Variants in SHANK2 observed in about 807,000 individuals in gnomAD.
SHANK2 encodes SH3 and multiple ankyrin repeat domains protein 2.
A neutral mutation model predicts 133.7 loss-of-function variants in SHANK2; 43 were observed. The observed-to-expected ratio is 0.32, with a 90% CI of 0.25 to 0.41. SHANK2 has a LOEUF of 0.41. Among genes scored for constraint, SHANK2 ranks in the 10% least tolerant of loss-of-function variants. The pLI, the probability that SHANK2 is intolerant of heterozygous loss-of-function variation, is 1.00. For missense variants in SHANK2, 1,994 were observed against 2,235.8 expected, an observed-to-expected ratio of 0.89 and a Z score of 2.18; for synonymous variants, 1,017 against 952.8, an observed-to-expected ratio of 1.07 and a Z score of -1.24.
At position 70,818,907 on chromosome 11, in the gene SHANK2, G is replaced by A. The variant is rs182649274; in HGVS notation, c.1493+1457C>T. Among the ~76,000 whole-genome samples, 1,044 of 152,370 alleles carry A rather than the reference G, an allele frequency of 6.9e-3. 5 individuals carry two copies. The highest frequency in any genetic ancestry group is 0.011 in the Non-Finnish European group (774 of 68,044). ...GGTGATCAGCCCCTCCTGGGACCAC[G>A]TGAGGCACTGACCCTCCTCAAACTC... On this transcript the variant is annotated intron_variant, in intron 12 of 25. Transcript: ENST00000601538.
chr11:70,560,028 C>G, intron 17 of SHANK2, among the ~76,000 whole-genome samples: 1 of 152,096 alleles, frequency 6.6e-6, no homozygotes, highest in Non-Finnish European at 1.5e-5. Context: ...CACACCACCA[C>G]GCCAAGCTAA....
At chr11:70,663,399 G>A (rs1335986303) in intron 15 of SHANK2, among the ~76,000 whole-genome samples, 1 of 152,138 alleles carries the variant, frequency 6.6e-6, no homozygotes, top group Admixed American at 6.5e-5. Context: ...GGGACGAGCA[G>A]CGGCCCCTCG....
chr11:70,899,658 C>T (rs1218724928), intron 10 of SHANK2, among the ~76,000 whole-genome samples: 2 of 152,220 alleles, frequency 1.3e-5, no homozygotes, highest in Non-Finnish European at 2.9e-5. Context: ...GCTTTGGGAA[C>T]TCGACTTAGG....
chr11:70,593,141 C>T (rs576273062), intron 17 of SHANK2, among the ~76,000 whole-genome samples: 26 of 152,310 alleles, frequency 1.7e-4, no homozygotes, highest in Non-Finnish European at 1.9e-4. Context: ...AACATGAACG[C>T]ACACTGTCCC....
intron 16 of SHANK2, among the ~76,000 whole-genome samples, chr11:70,660,607 G>A (rs1263287572): frequency 6.6e-6 from 1 of 152,228 alleles, no homozygotes; most frequent in Non-Finnish European, 1.5e-5. Flanking sequence ...TGCAACTCCA[G>A]GGCAGGAGAT....
chr11:71,232,170 G>A (rs1303583892), intron 1 of SHANK2, among the ~76,000 whole-genome samples: 1 of 152,120 alleles, frequency 6.6e-6, no homozygotes, highest in East Asian at 1.9e-4. Context: ...TTACTGAAAC[G>A]ACAAAATTAC....
At chr11:70,721,861 C>T (rs1026377116) in intron 14 of SHANK2, among the ~76,000 whole-genome samples, 2 of 152,274 alleles carry the variant, frequency 1.3e-5, no homozygotes, top group Admixed American at 6.5e-5. Context: ...TACAATTCTT[C>T]AGGAATGCCA....
intron 17 of SHANK2, among the ~76,000 whole-genome samples, chr11:70,504,348 G>T (rs2059105372): frequency 6.6e-6 from 1 of 150,460 alleles, no homozygotes; most frequent in Admixed American, 6.6e-5. Context: ...GACAGGCCCA[G>T]TGCCTGGCTC....
intron 2 of SHANK2, among the ~76,000 whole-genome samples, chr11:71,184,756 C>T (rs1197399502): frequency 1.3e-5 from 2 of 152,210 alleles, no homozygotes; most frequent in Non-Finnish European, 2.9e-5. Context: ...TGGCAAGTCA[C>T]GGCGGCTGAT....
chr11:71,244,723 G>A (rs558147374), intron 1 of SHANK2, among the ~76,000 whole-genome samples: 2 of 152,032 alleles, frequency 1.3e-5, no homozygotes, highest in Non-Finnish European at 2.9e-5. Flanking sequence ...TTGTTGTTGA[G>A]ATGGACTGTC....
At chr11:70,611,915 G>A (rs533870560) in intron 17 of SHANK2, among the ~76,000 whole-genome samples, 1 of 148,394 alleles carries the variant, frequency 6.7e-6, no homozygotes, top group African/African-American at 2.5e-5. Flanking sequence ...GCTGCTGAAA[G>A]GGAACGAGAA....
At chr11:70,806,826 C>T (rs1948172302) in intron 13 of SHANK2, among the ~76,000 whole-genome samples, 176 bp downstream of exon 13, 2 of 152,244 alleles carry the variant, frequency 1.3e-5, no homozygotes, top group South Asian at 4.1e-4. Flanking sequence ...CAGCAGCTCC[C>T]TGGAGAGTGA....
Position 70,487,814 on chromosome 11 carries a change from CA to C in SHANK2, c.2573-95del. ...GATACGCTACATCTCCACAAACTCA[CA>C]AATTCAGATGATGAACCGGATGTTC... On this transcript the variant is annotated intron_variant, in intron 24 of 25. Coordinates refer to ENST00000601538, the MANE Select transcript of SHANK2 (RefSeq NM_012309.5). This position sits in a 1 kb window ranked among gnomAD's most constrained non-coding sequence, Gnocchi z 5.8. 6.5e-7 allele frequency: 1 copy of C among 1,547,072 alleles called. No homozygotes were observed. Among genetic ancestry groups the C allele is most frequent in the Non-Finnish European group, 8.7e-7 (1 of 1,145,806 alleles).
intron 2 of SHANK2, among the ~76,000 whole-genome samples, chr11:71,155,252 G>T (rs1381171873): frequency 7.5e-6 from 1 of 132,568 alleles, no homozygotes; most frequent in Non-Finnish European, 1.6e-5. Flanking sequence ...TCCCGGAGGA[G>T]GAGTGGACCT....
At chr11:70,730,462 C>T (rs1306392527) in intron 14 of SHANK2, among the ~76,000 whole-genome samples, 2 of 152,174 alleles carry the variant, frequency 1.3e-5, no homozygotes, top group Non-Finnish European at 2.9e-5. Flanking sequence ...CCTAACTGGA[C>T]TGCATCTCAC....
intron 13 of SHANK2, among the ~76,000 whole-genome samples, chr11:70,802,233 A>T (rs1292834773): frequency 6.6e-6 from 1 of 152,124 alleles, no homozygotes; most frequent in African/African-American, 2.4e-5. Context: ...CCAACTGCGG[A>T]TCTCTCTATG....
intron 10 of SHANK2, among the ~76,000 whole-genome samples, chr11:70,941,726 C>CA (rs1348866755): frequency 6.6e-6 from 1 of 152,190 alleles, no homozygotes; most frequent in Non-Finnish European, 1.5e-5. Context: ...GAATCAGCCA[C>CA]AACCTTGCTC....
At chr11:71,079,127 G>C in intron 8 of SHANK2, among the ~76,000 whole-genome samples, 1 of 152,368 alleles carries the variant, frequency 6.6e-6, no homozygotes, top group South Asian at 2.1e-4. Flanking sequence ...CCCCGTGAAG[G>C]TGTGATGCTG....
chr11:71,110,110 A>G (rs1590921986), intron 5 of SHANK2, 61 bp from the exon 6 acceptor site: 1 of 1,225,652 alleles, frequency 8.2e-7, no homozygotes. Context: ...CCTGAGCAAC[A>G]AAGTGAGACC....
Sources: allele counts gnomAD v4.1 joint callset (sites outside exome capture counted in the v4.1 genomes callset), GRCh38; gene constraint gnomAD v4.1.1; non-coding constraint Gnocchi (gnomAD v3.1); transcripts MANE v1.5; gene names NCBI Gene and HGNC (gene_info 2026-07-23, HGNC 2026-07-21).